The following USP46 variants were observed in gnomAD, a reference collection of about 807,000 sequenced individuals.
USP46 encodes ubiquitin specific peptidase 46.
A neutral mutation model predicts 44.4 loss-of-function variants in USP46; 12 were observed. The observed-to-expected ratio is 0.27, with a 90% CI of 0.17 to 0.44. The LOEUF (loss-of-function observed/expected upper bound fraction) is 0.44. Among genes scored for constraint, USP46 ranks in the 20% least tolerant of loss-of-function variants. The pLI is 1.00. For synonymous variants in USP46, 155 were observed against 161.5 expected, an observed-to-expected ratio of 0.96 and a Z score of 0.31; for missense variants, 248 against 444.8, an observed-to-expected ratio of 0.56 and a Z score of 3.98.
At chr4:52,656,185 G>T in intron 1 of USP46, 1 of 1,020,156 alleles carries the variant, frequency 9.8e-7, no homozygotes, top group Non-Finnish European at 1.5e-6. Flanking sequence ...ATCACCATTT[G>T]CTCTTACTAC....
At chr4:52,627,641 T>C (rs979782384) in intron 3 of USP46, among the ~76,000 whole-genome samples, 2 of 152,190 alleles carry the variant, frequency 1.3e-5, no homozygotes, top group African/African-American at 4.8e-5. Flanking sequence ...GGCCAATGAG[T>C]ATCCCACTCC....
chr4:52,606,493 A>G (rs1716694220), intron 5 of USP46, among the ~76,000 whole-genome samples: 1 of 152,234 alleles, frequency 6.6e-6, no homozygotes, highest in African/African-American at 2.4e-5. Context: ...CAGCAGGTGC[A>G]GGGGAACTCC....
At chr4:52,615,455 T>C (rs1042903161) in intron 4 of USP46, among the ~76,000 whole-genome samples, 1 of 152,098 alleles carries the variant, frequency 6.6e-6, no homozygotes, top group Admixed American at 6.5e-5. Flanking sequence ...ATGATAAGAA[T>C]GTCAACTTAT....
intron 4 of USP46, among the ~76,000 whole-genome samples, chr4:52,614,913 C>T (rs1017888689): frequency 6.6e-6 from 1 of 152,018 alleles, no homozygotes; most frequent in South Asian, 2.1e-4. Flanking sequence ...ATGCTTTCTA[C>T]ATTTTATGTG....
chr4:52,658,238 G>A (rs1229464215), intron 1 of USP46: 2 of 456,066 alleles, frequency 4.4e-6, no homozygotes, highest in Admixed American at 4.7e-5. Flanking sequence ...AAGTGGAGGC[G>A]CCAGCAGGGT....
intron 6 of USP46, among the ~76,000 whole-genome samples, chr4:52,602,382 A>G (rs1716509078): frequency 6.6e-6 from 1 of 152,184 alleles, no homozygotes; most frequent in African/African-American, 2.4e-5. Flanking sequence ...TATTTGGACA[A>G]TCTACCCCCT....
chr4:52,635,951 TTC>T (rs1235966232), intron 1 of USP46, among the ~76,000 whole-genome samples: 2 of 152,160 alleles, frequency 1.3e-5, no homozygotes, highest in East Asian at 3.9e-4. Context: ...TCACTGTGCT[TTC>T]TGTTTATTTT....
At chr4:52,621,563 G>A (rs1464238907) in intron 4 of USP46, among the ~76,000 whole-genome samples, 5 of 152,108 alleles carry the variant, frequency 3.3e-5, no homozygotes, top group African/African-American at 1.2e-4. Flanking sequence ...GGCTGAGACA[G>A]GAGAATTGCT....
chr4:52,618,985 T>C (rs1253111264), intron 4 of USP46, among the ~76,000 whole-genome samples: 3 of 151,978 alleles, frequency 2.0e-5, no homozygotes, highest in Admixed American at 1.3e-4. Flanking sequence ...ATCAGAGATT[T>C]GTAGAGCAAA....
At chr4:52,632,472 ACTAACAGCT>A (rs1270546142) in intron 1 of USP46, among the ~76,000 whole-genome samples, 1 of 152,198 alleles carries the variant, frequency 6.6e-6, no homozygotes. Flanking sequence ...ATCATGGAAG[ACTAACAGCT>A]CACAGAAACT....
At chr4:52,607,452 G>T (rs28379922) in intron 5 of USP46, among the ~76,000 whole-genome samples, 1,782 of 152,320 alleles carry the variant, frequency 0.012, 26 homozygotes, top group East Asian at 0.049. Flanking sequence ...AATTACCAAA[G>T]TACAGAGCAG....
chr4:52,621,201 A>G (rs1248549746), intron 4 of USP46, among the ~76,000 whole-genome samples: 1 of 152,216 alleles, frequency 6.6e-6, no homozygotes, highest in Non-Finnish European at 1.5e-5. Flanking sequence ...AAAACCAGAC[A>G]AGTACAGTAG....
chr4:52,629,746 A>G, intron 2 of USP46: 1 of 456,244 alleles, frequency 2.2e-6, no homozygotes, highest in Non-Finnish European at 4.4e-6. Flanking sequence ...GCTTCATGTC[A>G]GGGTTTTAAA....
rs1577704846 is a variant in USP46 at position 52,657,103 on chromosome 4, C to G, written c.36+2012G>C. ...ACCCAGGAAGTCTGACATTAGAACC[C>G]AAACTCTGTCACTCTCTAGACATGG... On this transcript the variant is annotated intron_variant, in intron 1 of 8. Coordinates refer to ENST00000441222, the MANE Select transcript of USP46 (RefSeq NM_022832.4). Among the ~76,000 whole-genome samples, 3 of 151,368 alleles carry G rather than the reference C, an allele frequency of 2.0e-5. No individual in the cohort carries two copies. The East Asian group carries it at 5.8e-4, about 29-fold the overall frequency.
chr4:52,632,959 A>AGAAAGAAAGAAG (rs1178314848), intron 1 of USP46, among the ~76,000 whole-genome samples: 1 of 78,918 alleles, frequency 1.3e-5, no homozygotes, highest in Non-Finnish European at 2.4e-5. Flanking sequence ...AAAGAAAGAA[A>AGAAAGAAAGAAG]GAAAGAAAGA....
chr4:52,610,068 GGC>G (rs1445730269), intron 5 of USP46, among the ~76,000 whole-genome samples: 2 of 149,350 alleles, frequency 1.3e-5, no homozygotes, highest in East Asian at 3.9e-4. Flanking sequence ...TGGGACTACA[GGC>G]GCGCGCCACC....
At chr4:52,632,984 G>GAAAT (rs1175060206) in intron 1 of USP46, among the ~76,000 whole-genome samples, 2 of 52,536 alleles carry the variant, frequency 3.8e-5, no homozygotes, top group Non-Finnish European at 8.6e-5. Context: ...AAGAAAGAAA[G>GAAAT]AAAAGAAAAG....
intron 1 of USP46, among the ~76,000 whole-genome samples, chr4:52,637,831 T>C (rs1718173511): frequency 6.6e-6 from 1 of 152,154 alleles, no homozygotes; most frequent in Admixed American, 6.5e-5. Flanking sequence ...CTCCTGCCCC[T>C]CATCCCCTGT....
At chr4:52,600,727 G>A (rs984734289) in intron 7 of USP46, among the ~76,000 whole-genome samples, 2 of 151,800 alleles carry the variant, frequency 1.3e-5, no homozygotes, top group African/African-American at 4.8e-5. Context: ...TGCCCACCAG[G>A]TCCCAGGCTC....
Sources: gnomAD v4.1 joint callset for allele counts (sites outside exome capture counted in the v4.1 genomes callset) on GRCh38, gnomAD v4.1.1 for gene constraint, MANE v1.5 for transcripts, NCBI Gene and HGNC (gene_info 2026-07-23, HGNC 2026-07-21) for gene names.